KCNQ1: variants seen among roughly 807,000 people sequenced by gnomAD.
KCNQ1 encodes the protein potassium voltage-gated channel subfamily Q member 1.
In KCNQ1, 49 loss-of-function variants were observed where a neutral mutation model predicts 72.4. That is an observed-to-expected ratio of 0.68 (90% CI 0.54 to 0.86). KCNQ1 has a LOEUF of 0.86. Ranked by LOEUF, KCNQ1 falls within the 40% of genes least tolerant of loss-of-function variation. KCNQ1 has a pLI of 0.00. For synonymous variants in KCNQ1, 450 were observed against 412.6 expected (o/e 1.09, Z -1.10); for missense variants, 790 against 945.1 (o/e 0.84, Z 2.15).
At chr11:2,643,339 G>C in intron 10 of KCNQ1, 1 of 398,314 alleles carries the variant, frequency 2.5e-6, no homozygotes, top group Admixed American at 4.4e-5. Flanking sequence ...TGGGTGCTTT[G>C]GTGTTGGGTG....
At chr11:2,755,294 G>A (rs12797350) in intron 11 of KCNQ1, among the ~76,000 whole-genome samples, 9,900 of 152,074 alleles carry the variant, frequency 0.065, 552 homozygotes, top group East Asian at 0.2. Context: ...TCTGTGACCC[G>A]GGTTGGAGTG....
At chr11:2,667,689 G>A (rs1850105479) in intron 11 of KCNQ1, 12 of 398,740 alleles carry the variant, frequency 3.0e-5, no homozygotes, top group Middle Eastern at 6.3e-4. Flanking sequence ...GAAGCACGGA[G>A]GTGACCTAGT....
rs1310993459 is a variant in KCNQ1, at chr11:2,549,847, G to A, written c.478-20781G>A. ...CCCTGGGTGGCGGAGAGACCCCTGG[G>A]CAGGACACCCCTCCCTGGCTTTTCC... is the stretch of plus-strand genomic sequence containing the variant. On this transcript the variant is annotated intron_variant, in intron 2 of 15. Coordinates refer to ENST00000155840, the MANE Select transcript of KCNQ1 (RefSeq NM_000218.3). This position sits in a 1 kb window ranked among gnomAD's most constrained non-coding sequence, Gnocchi z 6.2. Among the ~76,000 whole-genome samples, 2 of 152,088 alleles carry A rather than the reference G, an allele frequency of 1.3e-5. No homozygotes were observed. The highest frequency in any genetic ancestry group is 2.9e-5 in the Non-Finnish European group (2 of 67,986).
chr11:2,791,618 C>T (rs923019167), intron 15 of KCNQ1, among the ~76,000 whole-genome samples: 7 of 151,970 alleles, frequency 4.6e-5, no homozygotes, highest in Non-Finnish European at 7.4e-5. Context: ...GGCGAACCGG[C>T]GGCACAGGCC....
At position 2,567,609 on chromosome 11, in the gene KCNQ1, G is replaced by A. The variant is rs1198102367; in HGVS notation, c.478-3019G>A. ...GCTGTTTCCAGCCTAGAGATGGTGA[G>A]GGGACTTTTCCTTGGCTCTTTCCTG... On this transcript the variant is annotated intron_variant, in intron 2 of 15. Transcript: ENST00000155840. This position sits in a 1 kb window ranked among gnomAD's most constrained non-coding sequence, Gnocchi z 6.6. Among the ~76,000 whole-genome samples, 1 of 152,202 alleles carries A rather than the reference G, an allele frequency of 6.6e-6. No individual in the cohort carries two copies. Among genetic ancestry groups the A allele is most frequent in the African/African-American group, 2.4e-5 (1 of 41,430 alleles).
chr11:2,586,162 G>A (rs1254193486), intron 8 of KCNQ1, among the ~76,000 whole-genome samples: 1 of 152,222 alleles, frequency 6.6e-6, no homozygotes, highest in Non-Finnish European at 1.5e-5. Context: ...GGAGCACAGT[G>A]TCAGTTCCTC....
chr11:2,613,133 T>C lies in KCNQ1; in HGVS notation c.1393+24279T>C, dbSNP rs904223214. On this transcript the variant is annotated intron_variant, in intron 10 of 15. Coordinates refer to ENST00000155840, the MANE Select transcript of KCNQ1 (RefSeq NM_000218.3). This position sits in a 1 kb window ranked among gnomAD's most constrained non-coding sequence, Gnocchi z 4.8. ...TCTTGAGCCAGTGAATCTTCCACCC[T>C]CTGCTGAGGGGATCTATGTGTGGGT... 3.0e-5 allele frequency: 12 copies of C among 398,516 alleles called. No individual in the cohort carries two copies. The highest frequency in any genetic ancestry group is 6.2e-4 in the Middle Eastern group (1 of 1,610). 24.7% of individuals were successfully genotyped at this position (398,516 alleles called of 1,614,324 possible). A position where few individuals can be genotyped will look rare whatever the true frequency, so the allele number is the denominator to read the frequency against.
chr11:2,561,220 A>G (rs1848161738), intron 2 of KCNQ1, among the ~76,000 whole-genome samples: 1 of 151,714 alleles, frequency 6.6e-6, no homozygotes, highest in Admixed American at 6.6e-5. Context: ...AAAAAAGAAA[A>G]AAAGAAAAAA....
Position 2,746,791 on chromosome 11 carries a change from C to T in KCNQ1, c.1515-22053C>T, listed in dbSNP as rs962677075. Reference sequence around the variant, plus strand: ...GTTCTTTTCCCCCTTTGCAGACTGTCCTTGGACCCGCCAGCATTTGGCTCT... The same window carrying T: ...GTTCTTTTCCCCCTTTGCAGACTGTTCTTGGACCCGCCAGCATTTGGCTCT... On this transcript the variant is annotated intron_variant, in intron 11 of 15. Coordinates refer to ENST00000155840, the MANE Select transcript of KCNQ1 (RefSeq NM_000218.3). This position sits in a 1 kb window ranked among gnomAD's most constrained non-coding sequence, Gnocchi z 5.9. 1.3e-5 allele frequency among the ~76,000 whole-genome samples: 2 copies of T among 152,232 alleles called. No homozygotes were observed. Among genetic ancestry groups the T allele is most frequent in the Admixed American group, 6.5e-5 (1 of 15,282 alleles).
At position 2,658,579 on chromosome 11, in the gene KCNQ1, CCCT is replaced by C. The variant is rs35237966; in HGVS notation, c.1394-3381_1394-3379del. 251,064 of 397,670 alleles carry C rather than the reference CCCT, an allele frequency of 0.63. 80,610 individuals are homozygous for C. Among genetic ancestry groups the C allele is most frequent in the East Asian group, 0.86 (23,981 of 28,020 alleles). The allele number at this position is 397,670 out of a possible 1,614,324, so 24.6% of individuals were successfully genotyped here. On this transcript the variant is annotated intron_variant, in intron 10 of 15. Coordinates refer to ENST00000155840, the MANE Select transcript of KCNQ1 (RefSeq NM_000218.3). This position sits in a 1 kb window ranked among gnomAD's most constrained non-coding sequence, Gnocchi z 4.9. ...TAGAATCATCCATTCATCCAGAGAGCCCTGGCTCCCTGGAGAATGAATAGAAAA... is the reference window on the plus strand; with the variant it reads ...TAGAATCATCCATTCATCCAGAGAGCGGCTCCCTGGAGAATGAATAGAAAA...
chr11:2,679,349 C>A lies in KCNQ1; in HGVS notation c.1514+17268C>A, dbSNP rs1160014902. 2 of 398,506 alleles carry A rather than the reference C, an allele frequency of 5.0e-6. No homozygotes were observed. The highest frequency in any genetic ancestry group is 8.8e-6 in the Non-Finnish European group (2 of 226,070). The allele number at this position is 398,506 out of a possible 1,614,324, so 24.7% of individuals were successfully genotyped here. On this transcript the variant is annotated intron_variant, in intron 11 of 15. Coordinates refer to ENST00000155840, the MANE Select transcript of KCNQ1 (RefSeq NM_000218.3). This position sits in a 1 kb window ranked among gnomAD's most constrained non-coding sequence, Gnocchi z 4.8. ...ATATCCTAATTCCACTACTTTCTAC[C>A]TGCTACACCTTGAGTGAGTCACTTA...
chr11:2,848,077 A>T lies in KCNQ1; in HGVS notation c.*74A>T. On this transcript the variant is annotated 3_prime_UTR_variant, in exon 16 of 16. Transcript: ENST00000155840. The stretch of plus-strand genomic sequence containing the variant: ...AGTGGCCCCACCTGGCCCTCTCTGA[A>T]GGAGGCCACCTCCTAAAAGGCCCAG... 1 of 1,261,730 alleles carries T rather than the reference A, an allele frequency of 7.9e-7. No individual in the cohort carries two copies. The allele number at this position is 1,261,730 out of a possible 1,614,324, so 78.2% of individuals were successfully genotyped here. A position where few individuals can be genotyped will look rare whatever the true frequency, so the allele number is the denominator to read the frequency against.
Position 2,475,306 on chromosome 11 carries a change from G to A in KCNQ1, c.386+29822G>A, listed in dbSNP as rs532753888. Among the ~76,000 whole-genome samples, 147 of 152,258 alleles carry A rather than the reference G, an allele frequency of 9.7e-4. No individual in the cohort carries two copies. Among genetic ancestry groups the A allele is most frequent in the African/African-American group, 3.5e-3 (144 of 41,548 alleles). On this transcript the variant is annotated intron_variant, in intron 1 of 15. Coordinates refer to ENST00000155840, the MANE Select transcript of KCNQ1 (RefSeq NM_000218.3). The surrounding 1 kb of genome is among the most constrained non-coding windows in gnomAD (Gnocchi z 5.8). ...TTCACTGTCCGCCGTGTTATAACACGCAAGGGAATTCCCTTCCTTTCTGAG... is the reference window on the plus strand; with the variant it reads ...TTCACTGTCCGCCGTGTTATAACACACAAGGGAATTCCCTTCCTTTCTGAG...
chr11:2,591,862 GC>G (rs1848674882), intron 10 of KCNQ1, among the ~76,000 whole-genome samples: 1 of 152,254 alleles, frequency 6.6e-6, no homozygotes, highest in Non-Finnish European at 1.5e-5. Flanking sequence ...TGTTGGCCTG[GC>G]CCCCAGGGAC....
intron 5 of KCNQ1, 114 bp from the exon 6 acceptor site, chr11:2,572,732 C>G: frequency 7.1e-7 from 1 of 1,402,418 alleles, no homozygotes; most frequent in Non-Finnish European, 9.9e-7. Flanking sequence ...GTGAACCGCG[C>G]TGGAGCGGCG....
At chr11:2,518,171 C>T (rs1311794359) in intron 1 of KCNQ1, among the ~76,000 whole-genome samples, 1 of 152,252 alleles carries the variant, frequency 6.6e-6, no homozygotes, top group African/African-American at 2.4e-5. Context: ...TGGGCCCCTG[C>T]CTGGGGAGCC....
rs1296449977 is a variant in KCNQ1, at chr11:2,515,361, A to G, written c.387-12567A>G. On this transcript the variant is annotated intron_variant, in intron 1 of 15. Coordinates refer to ENST00000155840, the MANE Select transcript of KCNQ1 (RefSeq NM_000218.3). The surrounding 1 kb of genome is among the most constrained non-coding windows in gnomAD (Gnocchi z 4.7). Reference sequence around the variant, plus strand: ...TGCTGCAAAGGACATGATTTCATTCACTTCTTGGAGGCTTTAACGCCTGCC... The same window carrying G: ...TGCTGCAAAGGACATGATTTCATTCGCTTCTTGGAGGCTTTAACGCCTGCC... 8.5e-5 allele frequency among the ~76,000 whole-genome samples: 13 copies of G among 152,088 alleles called. No individual in the cohort carries two copies. Among genetic ancestry groups the G allele is most frequent in the Admixed American group, 8.5e-4 (13 of 15,282 alleles).
At position 2,661,490 on chromosome 11, in the gene KCNQ1, G is replaced by A. The variant is rs899601907; in HGVS notation, c.1394-471G>A. On this transcript the variant is annotated intron_variant, in intron 10 of 15. Coordinates refer to ENST00000155840, the MANE Select transcript of KCNQ1 (RefSeq NM_000218.3). This position sits in a 1 kb window ranked among gnomAD's most constrained non-coding sequence, Gnocchi z 5.9. ...GTGGCTGCCCCCACCTCCCAGGCTT[G>A]CCATTCCTCATGGGTCAGAGGTCCT... 7 of 437,820 alleles carry A rather than the reference G, an allele frequency of 1.6e-5. No homozygotes were observed. Among genetic ancestry groups the A allele is most frequent in the African/African-American group, 1.0e-4 (5 of 50,070 alleles). 27.1% of individuals were successfully genotyped at this position (437,820 alleles called of 1,614,324 possible).
chr11:2,760,254 C>T (rs188869112), intron 11 of KCNQ1, among the ~76,000 whole-genome samples: 38 of 152,324 alleles, frequency 2.5e-4, no homozygotes, highest in African/African-American at 8.9e-4. Flanking sequence ...TGCCCAGCGG[C>T]ACTTCATGTA....
Sources: gnomAD v4.1 joint callset for allele counts (sites outside exome capture counted in the v4.1 genomes callset) on GRCh38, gnomAD v4.1.1 for gene constraint, Gnocchi (gnomAD v3.1) non-coding constraint, MANE v1.5 for transcripts, NCBI Gene and HGNC (gene_info 2026-07-23, HGNC 2026-07-21) for gene names.